ASMTL: variants seen among roughly 807,000 people sequenced by gnomAD.
The protein encoded by ASMTL is probable bifunctional dTTP/UTP pyrophosphatase/methyltransferase protein.
Under a neutral mutation model 60.3 loss-of-function variants are expected in ASMTL, and 57 were observed. The ratio of observed to expected loss-of-function variants is 0.95; its 90% confidence interval spans 0.76 to 1.18. The LOEUF (loss-of-function observed/expected upper bound fraction) is 1.18, where lower values mean the gene tolerates loss of function less well. ASMTL is among the 50% of genes most tolerant of loss of function. The probability of loss-of-function intolerance (pLI) is 0.00; values close to 1 mark genes in which losing one functional copy is unlikely to be tolerated. For synonymous variants in ASMTL, 419 were observed against 373.0 expected, an observed-to-expected ratio of 1.12 and a Z score of -1.42; for missense variants, 981 against 852.6, an observed-to-expected ratio of 1.15 and a Z score of -1.88.
At chrX:1,437,265 G>A (rs1219388958) in intron 3 of ASMTL, among the ~76,000 whole-genome samples, 1 of 151,634 alleles carries the variant, frequency 6.6e-6, no homozygotes, top group Admixed American at 6.6e-5. Flanking sequence ...GTCCTCACAG[G>A]GTCATCCCTC....
chrX:1,430,224 C>G (rs1443966060), intron 6 of ASMTL, among the ~76,000 whole-genome samples: 1 of 152,062 alleles, frequency 6.6e-6, no homozygotes, highest in Admixed American at 6.6e-5. Context: ...CATATCCAGG[C>G]TGGTCTTGAA....
intron 8 of ASMTL, among the ~76,000 whole-genome samples, chrX:1,422,156 A>G (rs2090499763): frequency 6.6e-6 from 1 of 152,144 alleles, no homozygotes. Context: ...GCCACGCTCA[A>G]GTTCCCAGTT....
intron 6 of ASMTL, among the ~76,000 whole-genome samples, chrX:1,431,322 T>C (rs2090778937): frequency 2.3e-5 from 3 of 131,814 alleles, no homozygotes; most frequent in Admixed American, 1.7e-4. Context: ...ATATATTTTA[T>C]ATATAATTAT....
intron 11 of ASMTL, among the ~76,000 whole-genome samples, chrX:1,417,512 G>GAC (rs1256529880): frequency 0.011 from 668 of 63,212 alleles, 7 homozygotes; most frequent in Non-Finnish European, 0.018. Flanking sequence ...CACAGATACA[G>GAC]ACACAGACAT....
In ASMTL at chrX:1,432,204, C is replaced by T. The variant is rs2090811230; in HGVS notation, c.509+65G>A. On this transcript the variant is annotated intron_variant, in intron 6 of 12. Coordinates refer to ENST00000381317, the MANE Select transcript of ASMTL (RefSeq NM_004192.4). ...TTTCCCAAAGGCTGGGTGGGACACC[C>T]CACGTGTGAGGGTGGCCAGGCTTCC... is the stretch of plus-strand genomic sequence containing the variant. The T allele has an allele frequency of 3.0e-6, 4 of 1,343,630 alleles. No individual in the cohort carries two copies. The Admixed American group carries it at 5.7e-5, about 19-fold the overall frequency. 83.2% of individuals were successfully genotyped at this position (1,343,630 alleles called of 1,614,324 possible). A position where few individuals can be genotyped will look rare whatever the true frequency, so the allele number is the denominator to read the frequency against.
At chrX:1,443,011 G>A (rs774850766) in intron 1 of ASMTL, among the ~76,000 whole-genome samples, 32 of 151,888 alleles carry the variant, frequency 2.1e-4, no homozygotes, top group African/African-American at 6.8e-4. Flanking sequence ...GACACACACC[G>A]CCATCTTGGA....
chrX:1,438,574 C>T (rs1332941512), intron 3 of ASMTL, among the ~76,000 whole-genome samples: 8 of 152,148 alleles, frequency 5.3e-5, no homozygotes, highest in Non-Finnish European at 1.0e-4. Flanking sequence ...AGTGCAGTGG[C>T]GCGATCTCGG....
At position 1,440,007 on chromosome X, in the gene ASMTL, G is replaced by A. The variant is rs180909433; in HGVS notation, c.226-863C>T. On this transcript the variant is annotated intron_variant, in intron 2 of 12. Transcript: ENST00000381317. Reference sequence around the variant, plus strand: ...CCCCGCACTGGCCTCCCTAAGCTGTGCACTGCCAAAACCCACAATCAATAC... The same window carrying A: ...CCCCGCACTGGCCTCCCTAAGCTGTACACTGCCAAAACCCACAATCAATAC... 1.1e-3 allele frequency among the ~76,000 whole-genome samples: 174 copies of A among 151,848 alleles called. 2 individuals are homozygous for A. The highest frequency in any genetic ancestry group is 4.1e-3 in the African/African-American group (171 of 41,430).
At chrX:1,451,124 C>G in intron 1 of ASMTL, among the ~76,000 whole-genome samples, 1 of 125,978 alleles carries the variant, frequency 7.9e-6, no homozygotes, top group African/African-American at 3.5e-5. Context: ...CTGGATCACT[C>G]TCCCCTCCCC....
chrX:1,417,630 T>TGCACATATATACCCACACAGACAC (rs2090339793), intron 11 of ASMTL, among the ~76,000 whole-genome samples: 1 of 147,632 alleles, frequency 6.8e-6, no homozygotes, highest in South Asian at 2.1e-4. Flanking sequence ...CACACAGACA[T>TGCACATATATACCCACACAGACAC]GCACACATAT....
At chrX:1,430,478 CAATAA>C (rs1480817311) in intron 6 of ASMTL, among the ~76,000 whole-genome samples, 1 of 151,898 alleles carries the variant, frequency 6.6e-6, no homozygotes, top group African/African-American at 2.4e-5. Flanking sequence ...CAAAAACTAA[CAATAA>C]AATCGGCCGC....
chrX:1,435,209 C>T (rs1438746938), intron 4 of ASMTL, 126 bp from the exon 5 acceptor site: 10 of 982,696 alleles, frequency 1.0e-5, no homozygotes, highest in Non-Finnish European at 1.6e-5. Flanking sequence ...AGCATCTTCT[C>T]CCCGATCGTC....
intron 11 of ASMTL, among the ~76,000 whole-genome samples, chrX:1,413,301 G>A (rs1195414842): frequency 3.9e-5 from 6 of 152,228 alleles, no homozygotes; most frequent in African/African-American, 1.4e-4. Context: ...GGTGGAGGTT[G>A]CAGTGAGCCG....
intron 9 of ASMTL, among the ~76,000 whole-genome samples, chrX:1,420,535 G>A (rs186974167): frequency 0.019 from 2,960 of 152,242 alleles, 95 homozygotes; most frequent in African/African-American, 0.068. Flanking sequence ...ATGAGGCCAC[G>A]GCCAGCCGAG....
At chrX:1,403,563 G>A in intron 12 of ASMTL, 74 bp from the exon 13 acceptor site, 1 of 1,382,908 alleles carries the variant, frequency 7.2e-7, no homozygotes, top group Non-Finnish European at 1.0e-6. Context: ...AGGGGACACA[G>A]CAGGCAACAG....
chrX:1,451,493 C>A (rs1341836037), intron 1 of ASMTL, among the ~76,000 whole-genome samples: 1 of 137,868 alleles, frequency 7.3e-6, no homozygotes, highest in African/African-American at 2.7e-5. Flanking sequence ...CTACCCCCAT[C>A]CCTAGGGGGA....
chrX:1,436,525 T>G (rs1289543144), intron 3 of ASMTL, among the ~76,000 whole-genome samples: 1 of 152,150 alleles, frequency 6.6e-6, no homozygotes, highest in East Asian at 1.9e-4. Context: ...GCTAATTTTT[T>G]GTATTTTTAG....
At chrX:1,450,831 T>G (rs2091351301) in intron 1 of ASMTL, among the ~76,000 whole-genome samples, 1 of 125,574 alleles carries the variant, frequency 8.0e-6, no homozygotes, top group Non-Finnish European at 1.7e-5. Flanking sequence ...CCCTAGGCGG[T>G]ACTGGATCAC....
chrX:1,418,023 G>T lies in ASMTL; in HGVS notation c.1472C>A (p.Ala491Asp). The change falls in exon 11 of 13, where the codon GCC becomes GAC. Residue 491 changes from alanine (A) to aspartate (D), a missense_variant. Coordinates refer to ENST00000381317, the MANE Select transcript of ASMTL (RefSeq NM_004192.4). ...CTGCGGTCCGGGGGGTTGGAAGTGG[G>T]CGGCCAGCTCGATAATGTCTGGGAG... ...FDLPDIIELA[A>D]HFQPPGPQAV... 3 of 1,613,666 alleles carry T rather than the reference G, an allele frequency of 1.9e-6. No homozygotes were observed. Among genetic ancestry groups the T allele is most frequent in the East Asian group, 2.2e-5 (1 of 44,878 alleles).
Sources: allele counts gnomAD v4.1 joint callset (sites outside exome capture counted in the v4.1 genomes callset), GRCh38; gene constraint gnomAD v4.1.1; transcripts MANE v1.5; gene names NCBI Gene and HGNC (gene_info 2026-07-23, HGNC 2026-07-21).